The following RPL7A variants were observed in gnomAD, a reference collection of about 807,000 sequenced individuals.
The protein encoded by RPL7A is ribosomal protein L7a, also known as large ribosomal subunit protein eL8.
For missense variants in RPL7A, 291 were observed against 338.2 expected (o/e 0.86, Z 1.09); for synonymous variants, 158 against 128.2 (o/e 1.23, Z -1.57).
At chr9:133,349,724 G>C (rs2129988240) in intron 3 of RPL7A, 24 bp downstream of exon 3, 1 of 1,611,796 alleles carries the variant, frequency 6.2e-7, no homozygotes, top group Admixed American at 1.7e-5. Flanking sequence ...GCGTGGAAAG[G>C]AGTTTCTCAG....
In RPL7A at chr9:133,350,735, C is replaced by G; in HGVS notation, c.626+8C>G. On this transcript the variant is annotated splice_region_variant and intron_variant, in intron 6 of 7. Coordinates refer to ENST00000323345, the MANE Select transcript of RPL7A (RefSeq NM_000972.3). ...CTTCACACAGGTGAACTCGTAAGTA[C>G]ACAGCCTGGCCCCAAACTTCCCCCC... 1 of 1,612,082 alleles carries G rather than the reference C, an allele frequency of 6.2e-7. No individual in the cohort carries two copies. Among genetic ancestry groups the G allele is most frequent in the Non-Finnish European group, 8.5e-7 (1 of 1,178,230 alleles).
At chr9:133,349,100 A>G in intron 2 of RPL7A, 58 bp downstream of exon 2, 1 of 1,599,884 alleles carries the variant, frequency 6.3e-7, no homozygotes, top group East Asian at 2.2e-5. Context: ...GAAGGTGGTA[A>G]TTGGGTTGTG....
chr9:133,349,936 A>T lies in RPL7A; in HGVS notation c.299A>T (p.His100Leu). 6.2e-7 allele frequency: 1 copy of T among 1,611,722 alleles called. No individual in the cohort carries two copies. The highest frequency in any genetic ancestry group is 8.5e-7 in the Non-Finnish European group (1 of 1,180,002). ...GCTACTCAGCTGCTTAAGCTGGCCC[A>T]CAAGTACAGACCAGAGACAAAGCAA... is the stretch of plus-strand genomic sequence containing the variant. ...QTATQLLKLA[H>L]KYRPETKQEK... Residue 100 changes from histidine to leucine, a missense_variant, in exon 4 of 8, where the codon CAC becomes CTC. Transcript: ENST00000323345.
At chr9:133,350,875 C>T (rs2129996706) in intron 6 of RPL7A, 127 bp from the exon 7 acceptor site, 3 of 1,466,076 alleles carry the variant, frequency 2.0e-6, no homozygotes, top group Admixed American at 1.7e-5. Context: ...ATTTCTTCAC[C>T]TGAATAAACC....
intron 1 of RPL7A, chr9:133,348,558 C>A (rs1836281306): frequency 3.4e-6 from 2 of 593,550 alleles, no homozygotes; most frequent in Admixed American, 2.9e-5. Flanking sequence ...TTGCTGGGGG[C>A]CGCTCCAGAG....
intron 1 of RPL7A, 138 bp from the exon 2 acceptor site, chr9:133,348,784 G>A (rs2129980904): frequency 1.6e-6 from 2 of 1,283,178 alleles, no homozygotes; most frequent in African/African-American, 1.5e-5. Flanking sequence ...TGGTGCTGGG[G>A]GGTTGCAGAA....
In RPL7A at chr9:133,351,250, T is replaced by C. The variant is rs1166928682; in HGVS notation, c.697-12T>C. On this transcript the variant is annotated splice_polypyrimidine_tract_variant and intron_variant, in intron 7 of 7. Coordinates refer to ENST00000323345, the MANE Select transcript of RPL7A (RefSeq NM_000972.3). ...AGTAAGCCAAGCTAACTGCCTCTTT[T>C]TGTCTTTTCAGATCCGCCGTCACTG... is the stretch of plus-strand genomic sequence containing the variant. 2.5e-6 allele frequency: 4 copies of C among 1,612,614 alleles called. No individual in the cohort carries two copies. Among genetic ancestry groups the C allele is most frequent in the African/African-American group, 2.7e-5 (2 of 75,018 alleles).
At chr9:133,348,699 G>A (rs2129980060) in intron 1 of RPL7A, 3 of 741,196 alleles carry the variant, frequency 4.0e-6, no homozygotes, top group Non-Finnish European at 4.8e-6. Context: ...CTCGGGCTTA[G>A]CCTTGCTCTG....
At chr9:133,350,562 T>C in intron 5 of RPL7A, 35 bp from the exon 6 acceptor site, 1 of 1,614,194 alleles carries the variant, frequency 6.2e-7, no homozygotes, top group Non-Finnish European at 8.5e-7. Flanking sequence ...CTGCTTTTGG[T>C]CAAAATACAG....
intron 1 of RPL7A, 190 bp downstream of exon 1, chr9:133,348,436 T>A (rs2129978564): frequency 1.0e-5 from 8 of 794,058 alleles, no homozygotes; most frequent in African/African-American, 1.7e-5. Flanking sequence ...TGAGATGGAC[T>A]AGAGCCCCGG....
rs1025615260 is a variant in RPL7A at position 133,349,329 on chromosome 9, T to A, written c.125-222T>A. The A allele has an allele frequency of 1.5e-5, 12 of 820,804 alleles. No homozygotes were observed. In the African/African-American group the frequency reaches 2.0e-4, roughly 14 times the overall value. The allele number at this position is 820,804 out of a possible 1,614,324, so 50.8% of individuals were successfully genotyped here. Reference sequence around the variant, plus strand: ...TACTAGGACTGCAATTCTGCTGTACTTCGTGGCACCTTGGCTTCTTGTTAG... The same window carrying A: ...TACTAGGACTGCAATTCTGCTGTACATCGTGGCACCTTGGCTTCTTGTTAG... On this transcript the variant is annotated intron_variant, in intron 2 of 7. Transcript: ENST00000323345.
chr9:133,349,947 C>T lies in RPL7A; in HGVS notation c.310C>T (p.Pro104Ser). Residue 104 changes from proline (P) to serine (S), a missense_variant, in exon 4 of 8, where the codon CCA becomes TCA. Pro to Ser is a moderately conservative substitution (Grantham distance 74). Transcript: ENST00000323345. Reference sequence around the variant, plus strand: ...GCTTAAGCTGGCCCACAAGTACAGACCAGAGACAAAGCAAGAGAAGAAGCA... The same window carrying T: ...GCTTAAGCTGGCCCACAAGTACAGATCAGAGACAAAGCAAGAGAAGAAGCA... ...QLLKLAHKYR[P>S]ETKQEKKQRL... 2.5e-6 allele frequency: 4 copies of T among 1,611,800 alleles called. No homozygotes were observed. The highest frequency in any genetic ancestry group is 2.2e-5 in the East Asian group (1 of 44,880).
intron 3 of RPL7A, 64 bp downstream of exon 3, chr9:133,349,764 G>C (rs1035620544): frequency 6.2e-7 from 1 of 1,602,318 alleles, no homozygotes; most frequent in African/African-American, 1.3e-5. Flanking sequence ...TCCAGAACAT[G>C]AGGGGGATGG....
At position 133,351,039 on chromosome 9, in the gene RPL7A, A is replaced by G; in HGVS notation, c.664A>G (p.Ile222Val). The G allele has an allele frequency of 1.2e-6, 2 of 1,614,178 alleles. No individual in the cohort carries two copies. The highest frequency in any genetic ancestry group is 1.1e-5 in the South Asian group (1 of 91,078). Residue 222 changes from isoleucine (I) to valine (V), a missense_variant, in exon 7 of 8, where the codon ATC becomes GTC. Ile to Val is a conservative substitution (Grantham distance 29, BLOSUM62 3). Coordinates refer to ENST00000323345, the MANE Select transcript of RPL7A (RefSeq NM_000972.3). The part of the protein sequence containing the change: ...KGALAKLVEA[I>V]RTNYNDRYDE... ...CGCTTTGGCTAAGCTGGTGGAAGCT[A>G]TCAGGACCAATTACAATGACAGATA... is the stretch of plus-strand genomic sequence containing the variant.
chr9:133,349,187 T>A, intron 2 of RPL7A, 145 bp downstream of exon 2: 4 of 1,006,350 alleles, frequency 4.0e-6, no homozygotes, highest in Non-Finnish European at 6.0e-6. Flanking sequence ...GGGGCAATGA[T>A]ACATGCTTCT....
chr9:133,349,781 GC>G, intron 3 of RPL7A, 81 bp downstream of exon 3: 2 of 1,591,528 alleles, frequency 1.3e-6, no homozygotes, highest in Middle Eastern at 3.4e-4. Flanking sequence ...ATGGTCTTAG[GC>G]TTCTTGAACT....
chr9:133,349,559 A>G lies in RPL7A; in HGVS notation c.133A>G (p.Ile45Val). The G allele has an allele frequency of 6.2e-7, 1 of 1,614,118 alleles. No homozygotes were observed. The highest frequency in any genetic ancestry group is 8.5e-7 in the Non-Finnish European group (1 of 1,179,990). Reference protein sequence around the residue: ...RPKNFGIGQDIQPKRDLTRFV... With the variant: ...RPKNFGIGQDVQPKRDLTRFV... ...CACCCTTTACTTCTCAGGACAGGAC[A>G]TCCAGCCCAAAAGAGACCTCACCCG... Residue 45 changes from isoleucine (I) to valine (V), a missense_variant, in exon 3 of 8, where the codon ATC becomes GTC. Physicochemically the swap from Ile to Val is conservative, Grantham distance 29 (BLOSUM62 3). Coordinates refer to ENST00000323345, the MANE Select transcript of RPL7A (RefSeq NM_000972.3).
At chr9:133,350,530 G>A in intron 5 of RPL7A, 67 bp from the exon 6 acceptor site, 1 of 1,612,552 alleles carries the variant, frequency 6.2e-7, no homozygotes, top group Non-Finnish European at 8.5e-7. Context: ...CTGAGCAATT[G>A]TTACAAGCTA....
chr9:133,348,279 C>A (rs2129977664), intron 1 of RPL7A, 33 bp downstream of exon 1: 1 of 1,614,076 alleles, frequency 6.2e-7, no homozygotes, highest in East Asian at 2.2e-5. Context: ...GCACTATAGC[C>A]AGGTTCCGGC....
Sources: allele counts gnomAD v4.1 joint callset, GRCh38; gene constraint gnomAD v4.1.1; transcripts MANE v1.5; gene names NCBI Gene and HGNC (gene_info 2026-07-23, HGNC 2026-07-21).